Variants in DSCAM observed in about 807,000 individuals in gnomAD.
DSCAM encodes cell adhesion molecule DSCAM.
A neutral mutation model predicts 217.7 loss-of-function variants in DSCAM; 47 were observed. The ratio of observed to expected loss-of-function variants is 0.22; its 90% confidence interval spans 0.17 to 0.28. The LOEUF is 0.28. DSCAM is among the 10% of genes least tolerant of loss of function. The pLI is 1.00. For missense variants in DSCAM, 2,080 were observed against 2,618.3 expected, an observed-to-expected ratio of 0.79 and a Z score of 4.49; for synonymous variants, 1,056 against 1,015.3, an observed-to-expected ratio of 1.04 and a Z score of -0.76.
At chr21:40,841,643 A>G (rs1367061256) in intron 1 of DSCAM, among the ~76,000 whole-genome samples, 1 of 152,054 alleles carries the variant, frequency 6.6e-6, no homozygotes, top group African/African-American at 2.4e-5. Context: ...GCACGTCAGC[A>G]TCACCCCTGT....
intron 3 of DSCAM, among the ~76,000 whole-genome samples, chr21:40,542,548 C>T (rs75961488): frequency 0.014 from 2,171 of 152,242 alleles, 66 homozygotes; most frequent in African/African-American, 0.049. Context: ...TTAGAAAAGA[C>T]GCAAGAGTTA....
At chr21:40,062,758 A>C in intron 28 of DSCAM, 111 bp downstream of exon 28, 1 of 1,017,874 alleles carries the variant, frequency 9.8e-7, no homozygotes. Flanking sequence ...TCTAAAAAGA[A>C]AAGACATTAT....
chr21:40,118,607 A>C (rs1398787993), intron 20 of DSCAM, among the ~76,000 whole-genome samples: 1 of 152,200 alleles, frequency 6.6e-6, no homozygotes, highest in East Asian at 1.9e-4. Flanking sequence ...ACAACAAAAA[A>C]GACATTGCAG....
chr21:40,114,642 G>T (rs2089944645), intron 20 of DSCAM, among the ~76,000 whole-genome samples: 1 of 152,080 alleles, frequency 6.6e-6, no homozygotes, highest in African/African-American at 2.4e-5. Context: ...CAGAATGGGA[G>T]AAAATTTTTG....
At chr21:40,613,430 T>C (rs2089343257) in intron 3 of DSCAM, among the ~76,000 whole-genome samples, 1 of 152,172 alleles carries the variant, frequency 6.6e-6, no homozygotes, top group East Asian at 1.9e-4. Context: ...TTATCTATAG[T>C]GGTTTTATAT....
At chr21:40,151,817 C>A (rs2090425671) in intron 16 of DSCAM, among the ~76,000 whole-genome samples, 1 of 152,138 alleles carries the variant, frequency 6.6e-6, no homozygotes, top group Non-Finnish European at 1.5e-5. Context: ...TGGGACTTAG[C>A]CTGCTGGCCT....
chr21:40,723,346 A>G (rs1178557625), intron 1 of DSCAM, among the ~76,000 whole-genome samples: 1 of 152,078 alleles, frequency 6.6e-6, no homozygotes, highest in African/African-American at 2.4e-5. Context: ...CCTTTATCCA[A>G]TTAACTCCTA....
At chr21:40,842,056 C>T (rs1183629350) in intron 1 of DSCAM, among the ~76,000 whole-genome samples, 1 of 152,220 alleles carries the variant, frequency 6.6e-6, no homozygotes, top group African/African-American at 2.4e-5. Context: ...CTGCATGGAG[C>T]AGTCCTCCCT....
At chr21:40,452,237 T>TACACACACACAC (rs71186937) in intron 3 of DSCAM, among the ~76,000 whole-genome samples, 6,594 of 144,368 alleles carry the variant, frequency 0.046, 264 homozygotes, top group African/African-American at 0.1. Context: ...TACACTATAT[T>TACACACACACAC]ACACACACAC....
At chr21:40,649,007 AG>A (rs1161377928) in intron 3 of DSCAM, among the ~76,000 whole-genome samples, 2 of 152,204 alleles carry the variant, frequency 1.3e-5, no homozygotes, top group East Asian at 1.9e-4. Flanking sequence ...AGGCCCAGGC[AG>A]GGGGATATCG....
intron 3 of DSCAM, among the ~76,000 whole-genome samples, chr21:40,453,637 T>G (rs2075740023): frequency 6.6e-6 from 1 of 152,180 alleles, no homozygotes; most frequent in Non-Finnish European, 1.5e-5. Context: ...CAATAAATAT[T>G]TGCTGCTGTT....
Position 40,720,025 on chromosome 21 carries a change from A to T in DSCAM, c.44-11254T>A, listed in dbSNP as rs75459382. Among the ~76,000 whole-genome samples, 187 of 152,376 alleles carry T rather than the reference A, an allele frequency of 1.2e-3. 2 individuals carry two copies. The East Asian group carries it at 0.026, about 22-fold the overall frequency. On this transcript the variant is annotated intron_variant, in intron 1 of 32. Coordinates refer to ENST00000400454, the MANE Select transcript of DSCAM (RefSeq NM_001389.5). Reference sequence around the variant, plus strand: ...CAAACCCTAGAGAGTGATGTCTTAGAAACAAAAAGACATTTTGAGACGTTA... The same window carrying T: ...CAAACCCTAGAGAGTGATGTCTTAGTAACAAAAAGACATTTTGAGACGTTA...
chr21:40,056,921 T>C (rs1291316637), intron 28 of DSCAM, among the ~76,000 whole-genome samples: 1 of 152,250 alleles, frequency 6.6e-6, no homozygotes, highest in African/African-American at 2.4e-5. Context: ...GTCCCAGGGC[T>C]GTGCCTCCAC....
intron 3 of DSCAM, among the ~76,000 whole-genome samples, chr21:40,594,394 A>C (rs1374739838): frequency 6.6e-6 from 1 of 152,224 alleles, no homozygotes; most frequent in Non-Finnish European, 1.5e-5. Context: ...AAGAGGACTC[A>C]CTTGGGCAGT....
chr21:40,669,588 ATAT>A (rs796761334), intron 3 of DSCAM, among the ~76,000 whole-genome samples: 3,429 of 22,200 alleles, frequency 0.15, 81 homozygotes, highest in East Asian at 0.45. Context: ...GTTGTTATAT[ATAT>A]TTTTTTTTTT....
At chr21:40,248,504 ATAT>A (rs1291163862) in intron 11 of DSCAM, among the ~76,000 whole-genome samples, 1 of 152,214 alleles carries the variant, frequency 6.6e-6, no homozygotes, top group Non-Finnish European at 1.5e-5. Context: ...CTTTGCTAAA[ATAT>A]TATAAGTGTC....
intron 15 of DSCAM, among the ~76,000 whole-genome samples, chr21:40,170,984 T>C (rs535885472): frequency 6.6e-6 from 1 of 152,298 alleles, no homozygotes; most frequent in East Asian, 1.9e-4. Context: ...GCCAGCATAG[T>C]GTTTACAAGA....
At chr21:40,700,218 C>T in intron 2 of DSCAM, among the ~76,000 whole-genome samples, 1 of 152,286 alleles carries the variant, frequency 6.6e-6, no homozygotes, top group Non-Finnish European at 1.5e-5. Context: ...CAGGATAGAA[C>T]CTCCAGGACG....
chr21:40,427,637 C>G lies in DSCAM; in HGVS notation c.509-58392G>C, dbSNP rs1262813510. On this transcript the variant is annotated intron_variant, in intron 3 of 32. Coordinates refer to ENST00000400454, the MANE Select transcript of DSCAM (RefSeq NM_001389.5). ...CTTTGCAGCACTTTATGCAAAATCTCTACAGCACAGTAAACACAGGGAAAG... is the reference window on the plus strand; with the variant it reads ...CTTTGCAGCACTTTATGCAAAATCTGTACAGCACAGTAAACACAGGGAAAG... 2.6e-5 allele frequency among the ~76,000 whole-genome samples: 4 copies of G among 152,214 alleles called. No homozygotes were observed. The East Asian group carries it at 7.7e-4, about 29-fold the overall frequency.
Sources: allele counts gnomAD v4.1 joint callset (sites outside exome capture counted in the v4.1 genomes callset), GRCh38; gene constraint gnomAD v4.1.1; transcripts MANE v1.5; gene names NCBI Gene and HGNC (gene_info 2026-07-23, HGNC 2026-07-21).